The following PRH1 variants were observed in gnomAD, a reference collection of about 807,000 sequenced individuals.
PRH1 encodes proline rich protein HaeIII subfamily 1.
PRH1 carries 7 observed loss-of-function variants against 7.9 expected under a neutral mutation model. The ratio of observed to expected loss-of-function variants is 0.89; its 90% CI spans 0.50 to 1.67. The LOEUF (loss-of-function observed/expected upper bound fraction) is 1.67. PRH1 is among the 40% of genes most tolerant of loss of function. The pLI is 0.00. For missense variants in PRH1, 109 were observed against 223.6 expected, an observed-to-expected ratio of 0.49 and a Z score of 3.27; for synonymous variants, 45 against 80.8, an observed-to-expected ratio of 0.56 and a Z score of 2.38.
At chr12:11,158,400 C>T (rs901738629) in intron 1 of PRH1, among the ~76,000 whole-genome samples, 1 of 151,992 alleles carries the variant, frequency 6.6e-6, no homozygotes, top group Non-Finnish European at 1.5e-5. Flanking sequence ...AATTTTTTCC[C>T]TACTGTATTT....
At chr12:10,969,045 C>T (rs1453193668) in intron 2 of PRH1, among the ~76,000 whole-genome samples, 3 of 152,184 alleles carry the variant, frequency 2.0e-5, no homozygotes, top group African/African-American at 7.2e-5. Context: ...AATGAGGTTG[C>T]ACAACCGAAT....
intron 1 of PRH1, among the ~76,000 whole-genome samples, chr12:11,099,679 AGAGT>A (rs1253571962): frequency 6.6e-6 from 1 of 152,188 alleles, no homozygotes; most frequent in Non-Finnish European, 1.5e-5. Flanking sequence ...CCTGGGCAAC[AGAGT>A]GAGACTCCAT....
intron 2 of PRH1, among the ~76,000 whole-genome samples, chr12:10,928,584 G>T (rs1225116504): frequency 6.6e-6 from 1 of 152,164 alleles, no homozygotes; most frequent in Non-Finnish European, 1.5e-5. Flanking sequence ...GTATTGTACA[G>T]CACCAACGCT....
At chr12:11,061,634 T>A in intron 1 of PRH1, 3 of 1,614,112 alleles carry the variant, frequency 1.9e-6, no homozygotes, top group South Asian at 1.1e-5. Flanking sequence ...TGGACCTTCA[T>A]GCTGGGATCT....
At chr12:11,097,755 T>C (rs1390578422) in intron 1 of PRH1, among the ~76,000 whole-genome samples, 1 of 113,938 alleles carries the variant, frequency 8.8e-6, no homozygotes, top group African/African-American at 2.9e-5. Context: ...AAGAGAATGA[T>C]GATGGCAGGT....
chr12:11,142,586 G>A (rs1473205224), intron 1 of PRH1, among the ~76,000 whole-genome samples: 2 of 152,082 alleles, frequency 1.3e-5, no homozygotes, highest in Admixed American at 6.5e-5. Context: ...ATTGCAATTC[G>A]AAAGGAATTA....
intron 1 of PRH1, among the ~76,000 whole-genome samples, chr12:10,980,674 G>C (rs538112016): frequency 9.9e-5 from 15 of 152,192 alleles, no homozygotes; most frequent in African/African-American, 2.2e-4. Flanking sequence ...AACAAAACAA[G>C]CCCGATTGAT....
intron 1 of PRH1, among the ~76,000 whole-genome samples, chr12:11,099,025 T>G (rs2597976): frequency 3.3e-5 from 5 of 152,124 alleles, no homozygotes; most frequent in Non-Finnish European, 7.4e-5. Flanking sequence ...TTCTCTCAAG[T>G]CTAATGTTTA....
chr12:11,168,213 G>GGAAAGAAAGAAAGGA (rs1555178216), intron 1 of PRH1, among the ~76,000 whole-genome samples: 1 of 19,622 alleles, frequency 5.1e-5, no homozygotes, highest in Non-Finnish European at 1.2e-4. Context: ...AAGAAAGAAA[G>GGAAAGAAAGAAAGGA]AAGAAAGAAA....
At chr12:11,137,180 C>T (rs1455314642) in intron 1 of PRH1, among the ~76,000 whole-genome samples, 2 of 151,736 alleles carry the variant, frequency 1.3e-5, no homozygotes, top group East Asian at 3.9e-4. Context: ...AATATAGTAT[C>T]TCAACCACAG....
chr12:11,066,051 G>C (rs1007828595), intron 1 of PRH1, among the ~76,000 whole-genome samples: 3 of 152,130 alleles, frequency 2.0e-5, no homozygotes, highest in African/African-American at 2.4e-5. Flanking sequence ...CAGAAATCAA[G>C]ACTTCTTCAT....
chr12:10,929,304 C>A (rs779413113), intron 2 of PRH1: 1 of 1,614,038 alleles, frequency 6.2e-7, no homozygotes, highest in Non-Finnish European at 8.5e-7. Flanking sequence ...AGTGGCCCTG[C>A]TGGCCTTCAG....
intron 1 of PRH1, chr12:10,997,604 G>T: frequency 6.2e-7 from 1 of 1,614,020 alleles, no homozygotes; most frequent in East Asian, 2.2e-5. Flanking sequence ...GAAATGATTG[G>T]TTACTGCCCA....
chr12:10,884,174 G>A lies in PRH1; in HGVS notation c.44C>T (p.Ser15Leu). 6.2e-7 allele frequency: 1 copy of A among 1,614,120 alleles called. No individual in the cohort carries two copies. Among genetic ancestry groups the A allele is most frequent in the Non-Finnish European group, 8.5e-7 (1 of 1,180,022 alleles). ...CTTACCTTCATTTAAATCCTGAGCT[G>A]AGCTGAAGGCCAGCAGGGCCACTGA... ...LLSVALLAFS[S>L]AQDLNEDVSQ... is the part of the protein sequence containing the mutation. Residue 15 changes from serine (S) to leucine (L), a missense_variant, in exon 1 of 4, where the codon TCA becomes TTA. This residue lies in a region of PRH1 where 60 missense variants were observed against 76.5 expected (regional missense o/e 0.78). Transcript: ENST00000543626.
At chr12:10,931,602 T>C (rs925589143) in intron 2 of PRH1, among the ~76,000 whole-genome samples, 5 of 152,180 alleles carry the variant, frequency 3.3e-5, no homozygotes, top group Admixed American at 3.3e-4. Flanking sequence ...CCAAGCTAAA[T>C]AGCAATTCAT....
intron 1 of PRH1, among the ~76,000 whole-genome samples, chr12:10,977,453 A>G (rs931229212): frequency 6.6e-6 from 1 of 152,212 alleles, no homozygotes; most frequent in Non-Finnish European, 1.5e-5. Flanking sequence ...ACAAAGCCAC[A>G]TCATACCGAA....
At chr12:11,154,768 T>C (rs1947203043) in intron 1 of PRH1, among the ~76,000 whole-genome samples, 1 of 152,198 alleles carries the variant, frequency 6.6e-6, no homozygotes, top group East Asian at 1.9e-4. Flanking sequence ...AGGAGTCTTT[T>C]AAAAATTGCA....
chr12:10,951,629 T>C (rs990511708), intron 2 of PRH1, among the ~76,000 whole-genome samples: 3 of 152,202 alleles, frequency 2.0e-5, no homozygotes, highest in Non-Finnish European at 4.4e-5. Context: ...TTTATCGAAC[T>C]GATCTCGCAT....
At chr12:11,162,399 G>GAT (rs780161196) in intron 1 of PRH1, among the ~76,000 whole-genome samples, 16 of 152,256 alleles carry the variant, frequency 1.1e-4, no homozygotes, top group Middle Eastern at 3.4e-3. Flanking sequence ...TTGAAGTGAA[G>GAT]ATATATATAT....
Sources: allele counts gnomAD v4.1 joint callset (sites outside exome capture counted in the v4.1 genomes callset), GRCh38; gene constraint gnomAD v4.1.1; regional missense constraint gnomAD v4.1.1; transcripts MANE v1.5; gene names NCBI Gene and HGNC (gene_info 2026-07-23, HGNC 2026-07-21).